Variants in POU6F2 observed in about 807,000 individuals in gnomAD.
The protein encoded by POU6F2 is POU class 6 homeobox 2.
Under a neutral mutation model 71.3 loss-of-function variants are expected in POU6F2, and 31 were observed. The ratio of observed to expected loss-of-function variants is 0.43; its 90% CI spans 0.33 to 0.59. The LOEUF is 0.59. Among genes scored for constraint, POU6F2 ranks in the 20% least tolerant of loss-of-function variants. The probability of loss-of-function intolerance (pLI) is 0.04; values close to 1 mark genes in which losing one functional copy is unlikely to be tolerated. For missense variants in POU6F2, 783 were observed against 856.8 expected (o/e 0.91, Z 1.07); for synonymous variants, 347 against 355.7 (o/e 0.98, Z 0.27).
chr7:39,372,347 G>A (rs1162038469), intron 5 of POU6F2, among the ~76,000 whole-genome samples: 3 of 152,218 alleles, frequency 2.0e-5, no homozygotes, highest in Non-Finnish European at 4.4e-5. Flanking sequence ...TGAGAAGAAT[G>A]GAATTCTTTT....
intron 1 of POU6F2, among the ~76,000 whole-genome samples, chr7:39,030,839 T>A (rs1426708201): frequency 6.6e-6 from 1 of 151,554 alleles, no homozygotes; most frequent in Non-Finnish European, 1.5e-5. Flanking sequence ...CACTGTTGCT[T>A]CATATCCTCC....
intron 4 of POU6F2, among the ~76,000 whole-genome samples, chr7:39,271,612 T>C (rs4283935): frequency 0.49 from 73,990 of 151,278 alleles, 19,658 homozygotes; most frequent in East Asian, 0.69. Context: ...GTGTGAGCCG[T>C]GGGGAGCAGC....
intron 6 of POU6F2, among the ~76,000 whole-genome samples, chr7:39,424,929 T>A (rs1346412101): frequency 6.6e-6 from 1 of 152,068 alleles, no homozygotes; most frequent in Non-Finnish European, 1.5e-5. Context: ...GGGCCGAGGC[T>A]GCTAACTTTA....
chr7:39,058,190 C>G (rs567789856), intron 1 of POU6F2, among the ~76,000 whole-genome samples: 1 of 152,172 alleles, frequency 6.6e-6, no homozygotes, highest in African/African-American at 2.4e-5. Context: ...ATCCTCTTCT[C>G]CAAGTTATCT....
At position 39,068,493 on chromosome 7, in the gene POU6F2, ATAT is replaced by A. The variant is rs1212485891; in HGVS notation, c.106-17366_106-17364del. ...TTATATATACACCTAGTACATGCATATATATATATATATAATTTTCATAAATGT... is the reference window on the plus strand; with the variant it reads ...TTATATATACACCTAGTACATGCATAATATATATATAATTTTCATAAATGT... On this transcript the variant is annotated intron_variant, in intron 1 of 9. Coordinates refer to ENST00000518318, the MANE Select transcript of POU6F2 (RefSeq NM_001370959.1). Among the ~76,000 whole-genome samples, 11 of 85,024 alleles carry A rather than the reference ATAT, an allele frequency of 1.3e-4. No homozygotes were observed. In the East Asian group the frequency reaches 0.025, roughly 196 times the overall value. 55.8% of individuals were successfully genotyped at this position (85,024 alleles called of 152,430 possible). A position where few individuals can be genotyped will look rare whatever the true frequency, so the allele number is the denominator to read the frequency against.
At chr7:39,262,380 C>A in intron 4 of POU6F2, among the ~76,000 whole-genome samples, 1 of 152,142 alleles carries the variant, frequency 6.6e-6, no homozygotes, top group East Asian at 1.9e-4. Context: ...AGCCCAAGTC[C>A]CAGCAGATGC....
chr7:39,095,651 C>A (rs1358871682), intron 2 of POU6F2, among the ~76,000 whole-genome samples: 1 of 152,152 alleles, frequency 6.6e-6, no homozygotes, highest in Non-Finnish European at 1.5e-5. Flanking sequence ...ATCTTGAAAG[C>A]TTTCACAAAA....
rs534780018 is a variant in POU6F2 at position 39,093,136 on chromosome 7, T to C, written c.277+7105T>C. ...TATGTAACAAGAATATATTGTGATT[T>C]TTTTTAAATTAAAAAATTAGCTACC... On this transcript the variant is annotated intron_variant, in intron 2 of 9. Coordinates refer to ENST00000518318, the MANE Select transcript of POU6F2 (RefSeq NM_001370959.1). 1.3e-3 allele frequency among the ~76,000 whole-genome samples: 194 copies of C among 152,226 alleles called. 1 individual carries two copies. The highest frequency in any genetic ancestry group is 4.5e-3 in the African/African-American group (188 of 41,570).
chr7:39,426,652 A>G (rs1278944488), intron 6 of POU6F2, among the ~76,000 whole-genome samples: 1 of 151,938 alleles, frequency 6.6e-6, no homozygotes, highest in Non-Finnish European at 1.5e-5. Flanking sequence ...CTCAAAAGCC[A>G]TAGGCTCTCA....
intron 1 of POU6F2, among the ~76,000 whole-genome samples, chr7:39,068,878 C>T (rs887648355): frequency 4.6e-5 from 7 of 152,160 alleles, no homozygotes; most frequent in Non-Finnish European, 8.8e-5. Context: ...TTCCAAGGAA[C>T]GTATTAAAAG....
intron 2 of POU6F2, among the ~76,000 whole-genome samples, chr7:39,150,821 G>A (rs556225693): frequency 1.3e-5 from 2 of 151,880 alleles, no homozygotes; most frequent in South Asian, 4.2e-4. Context: ...CCATACTGTC[G>A]CAAACATCTG....
intron 4 of POU6F2, among the ~76,000 whole-genome samples, chr7:39,335,482 G>A (rs1471625426): frequency 6.6e-6 from 1 of 152,188 alleles, no homozygotes; most frequent in Non-Finnish European, 1.5e-5. Context: ...CTTTCTGCAT[G>A]TGAGCAGTCT....
At chr7:39,458,601 A>G (rs1300092505) in intron 8 of POU6F2, among the ~76,000 whole-genome samples, 2 of 152,054 alleles carry the variant, frequency 1.3e-5, no homozygotes, top group Non-Finnish European at 2.9e-5. Context: ...TCCACTAGGG[A>G]CGGCCCGAAC....
At chr7:39,034,442 G>A in intron 1 of POU6F2, 1 of 409,126 alleles carries the variant, frequency 2.4e-6, no homozygotes, top group Non-Finnish European at 5.1e-6. Context: ...CTCGGCAGGA[G>A]CAGTTCTAGA....
At chr7:39,256,401 A>G (rs1784023803) in intron 4 of POU6F2, among the ~76,000 whole-genome samples, 1 of 152,134 alleles carries the variant, frequency 6.6e-6, no homozygotes, top group South Asian at 2.1e-4. Flanking sequence ...GGACAGTACT[A>G]ATTCTTTAGG....
At chr7:39,063,381 G>A (rs1414661196) in intron 1 of POU6F2, among the ~76,000 whole-genome samples, 1 of 152,146 alleles carries the variant, frequency 6.6e-6, no homozygotes, top group Non-Finnish European at 1.5e-5. Flanking sequence ...TGCAAAAAAA[G>A]GAGTTCCTTG....
At chr7:39,115,017 T>C (rs929541694) in intron 2 of POU6F2, among the ~76,000 whole-genome samples, 1 of 152,198 alleles carries the variant, frequency 6.6e-6, no homozygotes, top group Non-Finnish European at 1.5e-5. Flanking sequence ...ATATATATAA[T>C]TAGCAATTTA....
intron 2 of POU6F2, among the ~76,000 whole-genome samples, chr7:39,112,921 T>C (rs1281607011): frequency 3.3e-5 from 5 of 152,196 alleles, no homozygotes; most frequent in Non-Finnish European, 7.3e-5. Context: ...TTAACTATTC[T>C]TGATTTTTAT....
chr7:39,260,318 A>G (rs1428020551), intron 4 of POU6F2, among the ~76,000 whole-genome samples: 1 of 148,672 alleles, frequency 6.7e-6, no homozygotes, highest in East Asian at 2.0e-4. Flanking sequence ...CACACACACA[A>G]TACCATGCAC....
Sources: allele counts gnomAD v4.1 joint callset (sites outside exome capture counted in the v4.1 genomes callset), GRCh38; gene constraint gnomAD v4.1.1; transcripts MANE v1.5; gene names NCBI Gene and HGNC (gene_info 2026-07-23, HGNC 2026-07-21).